ZNF850: variants seen among roughly 807,000 people sequenced by gnomAD.
The protein encoded by ZNF850 is zinc finger protein 850, also known as putative zinc finger protein ENSP00000330994.
A neutral mutation model predicts 11.9 loss-of-function variants in ZNF850; 2 were observed. The observed-to-expected ratio is 0.17, with a 90% CI of 0.07 to 0.53. ZNF850 has a LOEUF of 0.53. Among genes scored for constraint, ZNF850 ranks in the 20% least tolerant of loss-of-function variants. The pLI, the probability that ZNF850 is intolerant of heterozygous loss-of-function variation, is 0.94. For synonymous variants in ZNF850, 381 were observed against 443.0 expected, an observed-to-expected ratio of 0.86 and a Z score of 1.76; for missense variants, 1,014 against 1,316.4, an observed-to-expected ratio of 0.77 and a Z score of 3.55.
Position 36,751,820 on chromosome 19 carries a change from A to G in ZNF850, c.236-1016T>C, listed in dbSNP as rs527827905. On this transcript the variant is annotated intron_variant, in intron 4 of 4. Coordinates refer to ENST00000591344, the MANE Select transcript of ZNF850 (RefSeq NM_001193552.2). Reference sequence around the variant, plus strand: ...ATAATAATAACAACATTGCTTCAACAATGTTATTATTTAATAGGATCAACA... The same window carrying G: ...ATAATAATAACAACATTGCTTCAACGATGTTATTATTTAATAGGATCAACA... 8.5e-5 allele frequency among the ~76,000 whole-genome samples: 13 copies of G among 152,102 alleles called. No individual in the cohort carries two copies. The East Asian group carries it at 2.5e-3, about 29-fold the overall frequency.
intron 1 of ZNF850, among the ~76,000 whole-genome samples, chr19:36,763,899 C>T (rs1305076648): frequency 5.3e-5 from 8 of 151,814 alleles, no homozygotes; most frequent in Non-Finnish European, 1.5e-5. Context: ...GATCCTGCCA[C>T]TGCACTCCAG....
intron 4 of ZNF850, among the ~76,000 whole-genome samples, chr19:36,756,878 T>G (rs1422670713): frequency 6.6e-6 from 1 of 152,230 alleles, no homozygotes; most frequent in African/African-American, 2.4e-5. Flanking sequence ...CCTCCCAAGG[T>G]GCTGGGATTA....
At chr19:36,769,096 AC>A (rs931040350) in intron 1 of ZNF850, among the ~76,000 whole-genome samples, 7 of 151,662 alleles carry the variant, frequency 4.6e-5, no homozygotes, top group African/African-American at 1.4e-4. Flanking sequence ...CCCTGTCTCT[AC>A]TACAAATACA....
chr19:36,771,605 G>A (rs1453930653), intron 1 of ZNF850, among the ~76,000 whole-genome samples: 11 of 151,268 alleles, frequency 7.3e-5, no homozygotes, highest in Admixed American at 5.9e-4. Flanking sequence ...ACCAATCAGG[G>A]GCTGAAGTGA....
chr19:36,756,502 TC>T (rs1352134421), intron 4 of ZNF850, among the ~76,000 whole-genome samples: 1 of 152,180 alleles, frequency 6.6e-6, no homozygotes, highest in Admixed American at 6.6e-5. Context: ...GTGCAACTTT[TC>T]CCCCCAGATA....
chr19:36,761,746 TAAGAA>T lies in ZNF850; in HGVS notation c.140-13_140-9del. The stretch of plus-strand genomic sequence containing the variant: ...GCTTTGGGATAGAGAGACCTGTTTA[TAAGAA>T]AAGAAGTAAGATAGCCAGGCATGGT... On this transcript the variant is annotated splice_polypyrimidine_tract_variant and intron_variant, in intron 3 of 4. Coordinates refer to ENST00000591344, the MANE Select transcript of ZNF850 (RefSeq NM_001193552.2). The T allele has an allele frequency of 6.7e-7, 1 of 1,498,380 alleles. No homozygotes were observed. Among genetic ancestry groups the T allele is most frequent in the South Asian group, 1.2e-5 (1 of 83,412 alleles). The allele number at this position is 1,498,380 out of a possible 1,614,324, so 92.8% of individuals were successfully genotyped here.
intron 1 of ZNF850, among the ~76,000 whole-genome samples, chr19:36,768,902 C>T (rs1428405432): frequency 2.0e-5 from 3 of 148,976 alleles, no homozygotes; most frequent in South Asian, 2.1e-4. Flanking sequence ...GTCAAGGCTG[C>T]AGTATGCCAT....
At chr19:36,765,654 G>A (rs1411760517) in intron 1 of ZNF850, among the ~76,000 whole-genome samples, 2 of 143,988 alleles carry the variant, frequency 1.4e-5, no homozygotes, top group African/African-American at 5.3e-5. Context: ...GTGCGATCTC[G>A]GCTCACTGCA....
chr19:36,750,870 G>A, intron 4 of ZNF850, 66 bp from the exon 5 acceptor site: 7 of 1,404,978 alleles, frequency 5.0e-6, no homozygotes, highest in Non-Finnish European at 5.6e-6. Flanking sequence ...AACATCTATG[G>A]TAGAAAGGGG....
chr19:36,755,387 C>G (rs1412555842), intron 4 of ZNF850, among the ~76,000 whole-genome samples: 1 of 152,066 alleles, frequency 6.6e-6, no homozygotes, highest in East Asian at 1.9e-4. Context: ...ACACCACACC[C>G]AGCTAATTTT....
At chr19:36,755,361 G>A (rs886478019) in intron 4 of ZNF850, among the ~76,000 whole-genome samples, 7 of 151,968 alleles carry the variant, frequency 4.6e-5, no homozygotes, top group African/African-American at 1.7e-4. Context: ...TGAGTAGCTG[G>A]GATTACAGGC....
intron 1 of ZNF850, among the ~76,000 whole-genome samples, chr19:36,769,555 G>A (rs1225583274): frequency 1.3e-5 from 2 of 151,856 alleles, no homozygotes; most frequent in African/African-American, 2.4e-5. Flanking sequence ...AGCCGAGATC[G>A]TGCCACTGCA....
chr19:36,755,441 G>T (rs1181206960), intron 4 of ZNF850, among the ~76,000 whole-genome samples: 1 of 151,992 alleles, frequency 6.6e-6, no homozygotes, highest in Non-Finnish European at 1.5e-5. Context: ...TGGCCAGGCT[G>T]GTCTCAAACT....
Position 36,748,130 on chromosome 19 carries a change from T to C in ZNF850, c.2910A>G (p.Leu970=). 2.6e-6 allele frequency: 4 copies of C among 1,550,458 alleles called. No individual in the cohort carries two copies. The highest frequency in any genetic ancestry group is 4.9e-5 in the East Asian group (2 of 41,184). The change falls in exon 5 of 5, where the codon CTA becomes CTG. Residue 970 remains leucine, a synonymous_variant. Transcript: ENST00000591344. ...TGTCACCGGTATGAATTCTCTGATG[T>C]AGAGTAAGGTGTGTACGCTGTCTGA... is the stretch of plus-strand genomic sequence containing the variant. ...KSFRQRTHLT[L]HQRIHTGDRP...
Position 36,749,612 on chromosome 19 carries a change from G to T in ZNF850, c.1428C>A (p.Pro476=). ...QHQRIHTGEK[P]YCCKECGKSF... ...ATTTTCCACATTCCTTACAACAATA[G>T]GGTTTCTCACCAGTGTGAATCCGCT... is the stretch of plus-strand genomic sequence containing the variant. The change falls in exon 5 of 5, where the codon CCC becomes CCA. Residue 476 remains proline (P), a synonymous_variant. Coordinates refer to ENST00000591344, the MANE Select transcript of ZNF850 (RefSeq NM_001193552.2). The T allele has an allele frequency of 6.4e-7, 1 of 1,550,998 alleles. No homozygotes were observed. Among genetic ancestry groups the T allele is most frequent in the East Asian group, 2.4e-5 (1 of 41,376 alleles).
intron 1 of ZNF850, among the ~76,000 whole-genome samples, chr19:36,763,496 A>G (rs570901482): frequency 6.6e-6 from 1 of 151,736 alleles, no homozygotes; most frequent in South Asian, 2.1e-4. Context: ...GTGAGCCAAG[A>G]TCGCACCACT....
At chr19:36,762,278 G>A (rs1236255728) in intron 3 of ZNF850, 27 bp downstream of exon 3, 1 of 1,485,740 alleles carries the variant, frequency 6.7e-7, no homozygotes, top group South Asian at 1.3e-5. Flanking sequence ...CAAAATTCAT[G>A]AGTTATTTGC....
At chr19:36,761,232 G>A (rs2040516104) in intron 4 of ZNF850, among the ~76,000 whole-genome samples, 1 of 152,024 alleles carries the variant, frequency 6.6e-6, no homozygotes, top group African/African-American at 2.4e-5. Flanking sequence ...TTGAGGTCAG[G>A]AGTTCGAGGC....
At chr19:36,767,712 AGAGC>A (rs1407187725) in intron 1 of ZNF850, among the ~76,000 whole-genome samples, 2 of 151,264 alleles carry the variant, frequency 1.3e-5, no homozygotes, top group Non-Finnish European at 1.5e-5. Context: ...CTGGGTGACA[AGAGC>A]GAGAATCTGT....
Sources: gnomAD v4.1 joint callset for allele counts (sites outside exome capture counted in the v4.1 genomes callset) on GRCh38, gnomAD v4.1.1 for gene constraint, MANE v1.5 for transcripts, NCBI Gene and HGNC (gene_info 2026-07-23, HGNC 2026-07-21) for gene names.